Variants in TRPM5 observed in about 807,000 individuals in gnomAD.
TRPM5 encodes transient receptor potential cation channel subfamily M member 5, also known as MLSN1 and TRP-related.
Under a neutral mutation model 124.9 loss-of-function variants are expected in TRPM5, and 121 were observed. The observed-to-expected ratio is 0.97, with a 90% CI of 0.84 to 1.13. The LOEUF (loss-of-function observed/expected upper bound fraction) is 1.13. Ranked by LOEUF, TRPM5 falls within the 50% of genes most tolerant of loss-of-function variation. The probability of loss-of-function intolerance (pLI) is 0.00; values close to 1 mark genes in which losing one functional copy is unlikely to be tolerated. For missense variants in TRPM5, 1,643 were observed against 1,589.1 expected, an observed-to-expected ratio of 1.03 and a Z score of -0.58; for synonymous variants, 781 against 700.5, an observed-to-expected ratio of 1.11 and a Z score of -1.81.
chr11:2,409,437 G>A (rs1348075240), intron 18 of TRPM5, among the ~76,000 whole-genome samples: 1 of 152,206 alleles, frequency 6.6e-6, no homozygotes, highest in African/African-American at 2.4e-5. Flanking sequence ...ACCAGGCCGG[G>A]CTGGAAATTA....
exon 21 of TRPM5, chr11:2,406,711 C>T: frequency 6.2e-7 from 1 of 1,613,562 alleles, no homozygotes; most frequent in Non-Finnish European, 8.5e-7. Flanking sequence ...TCCTCCGCTT[C>T]TCCATCTTGC....
At chr11:2,415,323 C>T (rs1272353354) in exon 9 of TRPM5, 1 of 1,585,144 alleles carries the variant, frequency 6.3e-7, no homozygotes. Flanking sequence ...GAAGAGCAGG[C>T]TCTTGCGTGA....
chr11:2,432,777 C>T, the TRPM5 span, among the ~76,000 whole-genome samples: 1 of 152,358 alleles, frequency 6.6e-6, no homozygotes. Flanking sequence ...GCGCCCCCAA[C>T]CCAGCATCTC....
At chr11:2,404,867 A>G (rs1850280983) in exon 24 of TRPM5, 4 of 1,366,150 alleles carry the variant, frequency 2.9e-6, no homozygotes, top group East Asian at 4.7e-5. Context: ...GAGGTCGGCA[A>G]AGGTCAGTGC....
At chr11:2,420,890 G>A (rs1200020061) in intron 3 of TRPM5, 142 bp downstream of exon 8, 12 of 978,926 alleles carry the variant, frequency 1.2e-5, no homozygotes, top group Admixed American at 3.2e-5. Flanking sequence ...GCCACCTGCC[G>A]GCCGTGTGCT....
chr11:2,407,203 G>A (rs1449071828), exon 20 of TRPM5: 3 of 1,610,950 alleles, frequency 1.9e-6, no homozygotes, highest in East Asian at 4.5e-5. Flanking sequence ...ATGAAGGGCG[G>A]GGCCAGGGCG....
At chr11:2,432,940 C>T in the TRPM5 span, among the ~76,000 whole-genome samples, 3 of 152,256 alleles carry the variant, frequency 2.0e-5, no homozygotes, top group African/African-American at 7.2e-5. Flanking sequence ...GCAAGCTCTG[C>T]CAGTGGTGCC....
chr11:2,411,849 G>A lies in TRPM5; in HGVS notation c.2475-82C>T, dbSNP rs996725589. ...CAGGGGCACACAGCATGCTGGCTGCGGGCAGGGCCAGGGCCAGGCCAGGAC... is the reference window on the plus strand; with the variant it reads ...CAGGGGCACACAGCATGCTGGCTGCAGGCAGGGCCAGGGCCAGGCCAGGAC... On this transcript the variant is annotated intron_variant, in intron 16 of 23. Coordinates refer to ENST00000155858, the Ensembl canonical transcript of TRPM5. The A allele has an allele frequency of 6.2e-5, 97 of 1,553,998 alleles. 1 individual carries two copies. Among genetic ancestry groups the A allele is most frequent in the South Asian group, 6.0e-4 (52 of 86,614 alleles).
rs891830742 is a variant in TRPM5, at chr11:2,407,013, T to C, written c.3118+106A>G. 3.6e-6 allele frequency: 5 copies of C among 1,381,676 alleles called. No individual in the cohort carries two copies. In the African/African-American group the frequency reaches 5.8e-5, roughly 16 times the overall value. 85.6% of individuals were successfully genotyped at this position (1,381,676 alleles called of 1,614,324 possible). A position where few individuals can be genotyped will look rare whatever the true frequency, so the allele number is the denominator to read the frequency against. ...GAGCCCAGCTGAGGACCCACAGGGC[T>C]GAGGAGGGGTCCAGGTCTCTCCAGA... On this transcript the variant is annotated intron_variant, in intron 20 of 23. Coordinates refer to ENST00000155858, the Ensembl canonical transcript of TRPM5.
At position 2,419,802 on chromosome 11, in the gene TRPM5, G is replaced by C. The variant is rs1461715464; in HGVS notation, c.649+420C>G. Among the ~76,000 whole-genome samples, 8 of 152,360 alleles carry C rather than the reference G, an allele frequency of 5.3e-5. No homozygotes were observed. The East Asian group carries it at 1.3e-3, about 26-fold the overall frequency. ...GCTTTTGAACGTGCGACTGGCCAGAGGTGCCCATTTCTCGGGTGACGCTGC... is the reference window on the plus strand; with the variant it reads ...GCTTTTGAACGTGCGACTGGCCAGACGTGCCCATTTCTCGGGTGACGCTGC... On this transcript the variant is annotated intron_variant, in intron 4 of 23. Coordinates refer to ENST00000155858, the Ensembl canonical transcript of TRPM5.
At chr11:2,424,528 C>T (rs1467553862), upstream of TRPM5, among the ~76,000 whole-genome samples, 1 of 152,212 alleles carries the variant, frequency 6.6e-6, no homozygotes, top group Non-Finnish European at 1.5e-5. Flanking sequence ...AGCCCTGATT[C>T]CCAGGTTCTG....
intron 18 of TRPM5, among the ~76,000 whole-genome samples, chr11:2,409,101 C>CTTG (rs1293243026): frequency 6.6e-6 from 1 of 152,048 alleles, no homozygotes; most frequent in Admixed American, 6.5e-5. Flanking sequence ...GAATTCCTGC[C>CTTG]TTGTTTCTCC....
At chr11:2,414,009 G>GGGCGGCCCCC in intron 12 of TRPM5, 52 bp downstream of exon 17, 3 of 1,023,732 alleles carry the variant, frequency 2.9e-6, no homozygotes, top group Non-Finnish European at 4.3e-6. Flanking sequence ...GGCCCAGCTC[G>GGGCGGCCCCC]CCCGCCCACC....
At chr11:2,438,564 G>C in the TRPM5 span, among the ~76,000 whole-genome samples, 2 of 152,160 alleles carry the variant, frequency 1.3e-5, no homozygotes, top group Non-Finnish European at 2.9e-5. This position sits in a 1 kb window ranked among gnomAD's most constrained non-coding sequence, Gnocchi z 5.9. Flanking sequence ...CTACTGGGGC[G>C]GTTAAGGTGG....
the TRPM5 span, among the ~76,000 whole-genome samples, chr11:2,437,061 G>A: frequency 6.6e-6 from 1 of 152,314 alleles, no homozygotes; most frequent in Non-Finnish European, 1.5e-5. The surrounding 1 kb of genome is among the most constrained non-coding windows in gnomAD (Gnocchi z 5.6). Flanking sequence ...TTCTGTCCTG[G>A]GTGCACCTTT....
intron 12 of TRPM5, 52 bp downstream of exon 17, chr11:2,414,009 G>GGGGCGCCCCCC: frequency 2.0e-6 from 2 of 1,023,734 alleles, no homozygotes; most frequent in Non-Finnish European, 2.9e-6. Context: ...GGCCCAGCTC[G>GGGGCGCCCCCC]CCCGCCCACC....
chr11:2,406,069 G>A (rs751125016), exon 22 of TRPM5: 2 of 1,612,174 alleles, frequency 1.2e-6, no homozygotes, highest in South Asian at 1.1e-5. Flanking sequence ...AGACCCCCGA[G>A]GTACTTGGCA....
At chr11:2,420,238 C>G in exon 4 of TRPM5, 3 of 1,605,048 alleles carry the variant, frequency 1.9e-6, no homozygotes, top group Non-Finnish European at 1.7e-6. Context: ...AGCCCGCCCT[C>G]TGCTCCGAGA....
At chr11:2,429,574 C>A in the TRPM5 span, among the ~76,000 whole-genome samples, 3 of 150,784 alleles carry the variant, frequency 2.0e-5, no homozygotes, top group Non-Finnish European at 3.0e-5. This position sits in a 1 kb window ranked among gnomAD's most constrained non-coding sequence, Gnocchi z 8.4. Context: ...TGGTGGTGGC[C>A]ATGGTGGTGT....
Sources: allele counts gnomAD v4.1 joint callset (sites outside exome capture counted in the v4.1 genomes callset), GRCh38; gene constraint gnomAD v4.1.1; non-coding constraint Gnocchi (gnomAD v3.1); transcripts MANE v1.5; gene names NCBI Gene and HGNC (gene_info 2026-07-23, HGNC 2026-07-21).